The following KIF6 variants were observed in gnomAD, a reference collection of about 807,000 sequenced individuals.
KIF6 encodes kinesin-like protein KIF6.
A neutral mutation model predicts 112.7 loss-of-function variants in KIF6; 106 were observed. The ratio of observed to expected loss-of-function variants is 0.94; its 90% confidence interval spans 0.80 to 1.11. The LOEUF (loss-of-function observed/expected upper bound fraction) is 1.11. Ranked by LOEUF, KIF6 falls within the 50% of genes least tolerant of loss-of-function variation. The pLI, the probability that KIF6 is intolerant of heterozygous loss-of-function variation, is 0.00. For synonymous variants in KIF6, 339 were observed against 339.9 expected (o/e 1.00, Z 0.03); for missense variants, 929 against 964.0 (o/e 0.96, Z 0.48).
At chr6:39,721,844 A>C (rs1442837350) in intron 1 of KIF6, among the ~76,000 whole-genome samples, 1 of 142,972 alleles carries the variant, frequency 7.0e-6, no homozygotes. Context: ...CTTGTCTTTT[A>C]CCATGAAATA....
chr6:39,551,579 C>T (rs1036703253), intron 10 of KIF6, among the ~76,000 whole-genome samples: 4 of 151,922 alleles, frequency 2.6e-5, no homozygotes, highest in African/African-American at 7.3e-5. Context: ...ACACATTATA[C>T]GTTTGTATCA....
chr6:39,721,793 G>T (rs1790233417), intron 1 of KIF6, among the ~76,000 whole-genome samples: 2 of 141,862 alleles, frequency 1.4e-5, no homozygotes, highest in South Asian at 2.3e-4. Context: ...AAAAAAAAAA[G>T]TCATTAGATT....
intron 4 of KIF6, among the ~76,000 whole-genome samples, chr6:39,637,488 C>T (rs537971419): frequency 4.6e-5 from 7 of 152,076 alleles, no homozygotes; most frequent in African/African-American, 1.7e-4. Context: ...AAATAAATGG[C>T]ATCAATTTTC....
At chr6:39,515,557 A>G (rs901970578) in intron 13 of KIF6, among the ~76,000 whole-genome samples, 1 of 152,248 alleles carries the variant, frequency 6.6e-6, no homozygotes, top group Non-Finnish European at 1.5e-5. Context: ...TCTTATCATT[A>G]AAACTTTCAT....
intron 22 of KIF6, among the ~76,000 whole-genome samples, chr6:39,340,890 G>A (rs1282501812): frequency 1.3e-5 from 2 of 152,086 alleles, no homozygotes; most frequent in Non-Finnish European, 2.9e-5. Context: ...TGGTTTCTAT[G>A]GATTTGTTAC....
At chr6:39,383,521 G>A (rs1767149606) in intron 16 of KIF6, among the ~76,000 whole-genome samples, 1 of 152,122 alleles carries the variant, frequency 6.6e-6, no homozygotes, top group Admixed American at 6.5e-5. Context: ...TGGTCTATAT[G>A]TCTGGTTGTG....
chr6:39,448,654 T>C (rs1029753119), intron 13 of KIF6, among the ~76,000 whole-genome samples: 3 of 152,302 alleles, frequency 2.0e-5, no homozygotes, highest in Middle Eastern at 3.4e-3. Context: ...CCTACCTCCC[T>C]GGCTTCTCTT....
At chr6:39,696,653 T>C (rs1056782488) in intron 3 of KIF6, among the ~76,000 whole-genome samples, 4 of 151,368 alleles carry the variant, frequency 2.6e-5, no homozygotes, top group African/African-American at 9.7e-5. Flanking sequence ...ATATAATATA[T>C]AAATATATAT....
chr6:39,584,417 T>TACAAAAAAAAAAAAAAAAAAAAAAAAA lies in KIF6; in HGVS notation c.1077+480_1077+481insTTTTTTTTTTTTTTTTTTTTTTTTTGT, dbSNP rs1481333003. ...TCCAGCCTGAGCAAGACTCTGTCTC[T>TACAAAAAAAAAAAAAAAAAAAAAAAAA]AAAAAAAAAAAAAAAAAAAAAAAAA... On this transcript the variant is annotated intron_variant, in intron 9 of 22. Coordinates refer to ENST00000287152, the MANE Select transcript of KIF6 (RefSeq NM_145027.6). 3.0e-4 allele frequency among the ~76,000 whole-genome samples: 14 copies of TACAAAAAAAAAAAAAAAAAAAAAAAAA among 46,062 alleles called. 5 individuals carry two copies. The highest frequency in any genetic ancestry group is 6.1e-4 in the Admixed American group (2 of 3,254). 30.2% of individuals were successfully genotyped at this position (46,062 alleles called of 152,430 possible). A position where few individuals can be genotyped will look rare whatever the true frequency, so the allele number is the denominator to read the frequency against.
intron 13 of KIF6, among the ~76,000 whole-genome samples, chr6:39,465,212 C>A (rs1773716437): frequency 6.6e-6 from 1 of 152,130 alleles, no homozygotes; most frequent in Non-Finnish European, 1.5e-5. Context: ...GCATCACTGG[C>A]CATAAGGTTA....
intron 3 of KIF6, among the ~76,000 whole-genome samples, chr6:39,648,826 G>A (rs990520714): frequency 7.2e-5 from 11 of 152,124 alleles, no homozygotes; most frequent in South Asian, 4.1e-4. Context: ...GAAGTCCTGC[G>A]TAAAGGCATG....
chr6:39,610,975 TATA>T, intron 6 of KIF6, among the ~76,000 whole-genome samples: 1 of 152,272 alleles, frequency 6.6e-6, no homozygotes, highest in South Asian at 2.1e-4. Flanking sequence ...TTCAGCTATT[TATA>T]ATATTAAACA....
intron 13 of KIF6, among the ~76,000 whole-genome samples, chr6:39,454,531 C>CAAAAAA (rs560119968): frequency 1.3e-5 from 1 of 76,044 alleles, no homozygotes; most frequent in African/African-American, 4.0e-5. Context: ...CTGAGAGCAT[C>CAAAAAA]AAAAAAAAAA....
rs12333104 is a variant in KIF6, at chr6:39,448,647, A to G, written c.1646-17486T>C. On this transcript the variant is annotated intron_variant, in intron 13 of 22. Transcript: ENST00000287152. ...ATTACTCCCTCCAAGTTTTTGTCCT[A>G]CCTCCCTGGCTTCTCTTTCCAACCT... Among the ~76,000 whole-genome samples, 821 of 151,984 alleles carry G rather than the reference A, an allele frequency of 5.4e-3. 7 individuals are homozygous for G. Among genetic ancestry groups the G allele is most frequent in the Non-Finnish European group, 9.2e-3 (623 of 67,958 alleles).
chr6:39,715,409 G>A (rs1375146046), intron 2 of KIF6, among the ~76,000 whole-genome samples: 2 of 151,938 alleles, frequency 1.3e-5, no homozygotes, highest in East Asian at 3.9e-4. Flanking sequence ...GTGGAGGTGT[G>A]GTGTCAATTT....
At chr6:39,526,868 A>G (rs747235203) in intron 13 of KIF6, among the ~76,000 whole-genome samples, 1 of 152,220 alleles carries the variant, frequency 6.6e-6, no homozygotes, top group Non-Finnish European at 1.5e-5. Flanking sequence ...TCCAAAAGAG[A>G]GGATGAGATG....
At chr6:39,681,298 T>C (rs1787495154) in intron 3 of KIF6, among the ~76,000 whole-genome samples, 1 of 152,100 alleles carries the variant, frequency 6.6e-6, no homozygotes, top group African/African-American at 2.4e-5. Context: ...CCTTCACTTC[T>C]CTATTTACAA....
chr6:39,602,945 T>C (rs1174618251), intron 6 of KIF6, among the ~76,000 whole-genome samples: 1 of 152,210 alleles, frequency 6.6e-6, no homozygotes, highest in Admixed American at 6.5e-5. Flanking sequence ...GAAAAGACAT[T>C]TAACATTTGC....
Position 39,334,584 on chromosome 6 carries a change from G to C in KIF6, c.*1948C>G. On this transcript the variant is annotated 3_prime_UTR_variant, in exon 23 of 23. Transcript: ENST00000287152. ...GGTATGGTCGCACCACTGCACCCCA[G>C]CCTGGCTGACAGAGACCCCCCCCAT... The C allele has an allele frequency of 6.6e-6, 1 of 152,000 alleles. No individual in the cohort carries two copies. Among genetic ancestry groups the C allele is most frequent in the Middle Eastern group, 3.2e-3 (1 of 316 alleles). 9.4% of individuals were successfully genotyped at this position (152,000 alleles called of 1,614,324 possible).
Sources: allele counts gnomAD v4.1 joint callset (sites outside exome capture counted in the v4.1 genomes callset), GRCh38; gene constraint gnomAD v4.1.1; transcripts MANE v1.5; gene names NCBI Gene and HGNC (gene_info 2026-07-23, HGNC 2026-07-21).